Variants in TTC21A observed in about 807,000 individuals in gnomAD.
TTC21A encodes tetratricopeptide repeat protein 21A.
TTC21A carries 128 observed loss-of-function variants against 156.4 expected under a neutral mutation model. That is an observed-to-expected ratio of 0.82 (90% CI 0.71 to 0.95). TTC21A has a LOEUF of 0.95. TTC21A is among the 40% of genes least tolerant of loss of function. The pLI is 0.00. For missense variants in TTC21A, 1,435 were observed against 1,602.3 expected (o/e 0.90, Z 1.78); for synonymous variants, 587 against 617.1 (o/e 0.95, Z 0.72).
At chr3:39,132,909 C>G in intron 19 of TTC21A, 143 bp from the exon 20 acceptor site, 1 of 822,712 alleles carries the variant, frequency 1.2e-6, no homozygotes, top group Non-Finnish European at 1.9e-6. Flanking sequence ...GTGGCTTTGC[C>G]TATTCAGAGT....
intron 8 of TTC21A, among the ~76,000 whole-genome samples, 154 bp downstream of exon 8, chr3:39,120,174 A>G (rs2037645974): frequency 6.6e-6 from 1 of 152,160 alleles, no homozygotes. Context: ...TGCTGTGCCT[A>G]CTTGCCTCTG....
rs373076443 is a variant in TTC21A, at chr3:39,121,600, A to G, written c.1093+411A>G. Among the ~76,000 whole-genome samples the G allele has an allele frequency of 5.9e-5, 9 of 152,212 alleles. 1 individual carries two copies. In the East Asian group the frequency reaches 1.5e-3, roughly 26 times the overall value. The stretch of plus-strand genomic sequence containing the variant: ...CTCCTTCAGGGCTCTGAGCTGAAAA[A>G]CCACCAAAAAGAGTAGCTCTGAGAA... On this transcript the variant is annotated intron_variant, in intron 9 of 28. Transcript: ENST00000683103.
chr3:39,128,915 C>A lies in TTC21A; in HGVS notation c.1879C>A (p.Arg627=). 6.2e-7 allele frequency: 1 copy of A among 1,614,194 alleles called. No individual in the cohort carries two copies. The highest frequency in any genetic ancestry group is 8.5e-7 in the Non-Finnish European group (1 of 1,180,022). ...SILLELVEAL[R]LNGELHEATK... ...CTTATTGGAACTGGTGGAGGCCCTC[C>A]GGCTGAATGGGGAGCTAGTAAGAAA... is the stretch of plus-strand genomic sequence containing the variant. Residue 627 remains arginine, a synonymous_variant, in exon 14 of 29, where the codon CGG becomes AGG. Coordinates refer to ENST00000683103, the MANE Select transcript of TTC21A (RefSeq NM_001366900.1).
At chr3:39,114,469 G>A in intron 5 of TTC21A, 116 bp from the exon 6 acceptor site, 2 of 974,754 alleles carry the variant, frequency 2.1e-6, no homozygotes, top group Admixed American at 3.7e-5. Context: ...GACCCACGGT[G>A]CCCATGTGTC....
At chr3:39,112,117 G>A (rs2036884814) in intron 4 of TTC21A, among the ~76,000 whole-genome samples, 1 of 152,224 alleles carries the variant, frequency 6.6e-6, no homozygotes, top group Admixed American at 6.5e-5. Flanking sequence ...GGCAATGACA[G>A]GATAGGTGAG....
intron 6 of TTC21A, among the ~76,000 whole-genome samples, chr3:39,117,766 C>T (rs1217797082): frequency 1.3e-5 from 2 of 152,082 alleles, no homozygotes. Flanking sequence ...ACATTCCATA[C>T]AGTAGGCAGG....
intron 9 of TTC21A, among the ~76,000 whole-genome samples, chr3:39,124,791 C>T (rs1039561671): frequency 3.3e-5 from 5 of 151,624 alleles, no homozygotes; most frequent in African/African-American, 4.8e-5. Flanking sequence ...ATAGTAGTAA[C>T]GTATTATACC....
At position 39,137,556 on chromosome 3, in the gene TTC21A, G is replaced by T. The variant is rs764381681; in HGVS notation, c.3521G>T (p.Arg1174Leu). The change falls in exon 26 of 29, where the codon CGT (arginine) becomes CTT (leucine). Residue 1174 changes from arginine (R) to leucine (L), a missense_variant. Coordinates refer to ENST00000683103, the MANE Select transcript of TTC21A (RefSeq NM_001366900.1). ...TTCCTGAAGCAGATCCCCAAGGCGC[G>T]TATGCAGTTGAAGCGCCTGGCCAAG... is the stretch of plus-strand genomic sequence containing the variant. ...YVFLKQIPKA[R>L]MQLKRLAKTP... 1.9e-6 allele frequency: 3 copies of T among 1,614,252 alleles called. No homozygotes were observed. In the East Asian group the frequency reaches 6.7e-5, roughly 36 times the overall value.
chr3:39,135,525 C>T (rs75398444), intron 22 of TTC21A, among the ~76,000 whole-genome samples: 4,629 of 152,284 alleles, frequency 0.03, 117 homozygotes, highest in African/African-American at 0.065. Flanking sequence ...TTCACTGCAG[C>T]GTAAAACCAC....
chr3:39,131,562 A>G (rs1215567788), intron 19 of TTC21A: 4 of 155,050 alleles, frequency 2.6e-5, no homozygotes, highest in African/African-American at 9.7e-5. Context: ...CTGTTGGTGT[A>G]TACCAGAATA....
Position 39,126,499 on chromosome 3 carries a change from CA to C in TTC21A, c.1522+110del, listed in dbSNP as rs1195095664. On this transcript the variant is annotated intron_variant, in intron 12 of 28. Transcript: ENST00000683103. ...CTACACACACACACACACACACACA[CA>C]CACACACACACACACACACACTCTC... The C allele has an allele frequency of 1.1e-5, 11 of 976,694 alleles. No homozygotes were observed. The African/African-American group carries it at 1.6e-4, about 15-fold the overall frequency. The allele number at this position is 976,694 out of a possible 1,614,324, so 60.5% of individuals were successfully genotyped here. A position where few individuals can be genotyped will look rare whatever the true frequency, so the allele number is the denominator to read the frequency against.
At chr3:39,113,363 A>C (rs559889648) in intron 5 of TTC21A, among the ~76,000 whole-genome samples, 1 of 152,304 alleles carries the variant, frequency 6.6e-6, no homozygotes, top group African/African-American at 2.4e-5. Context: ...GCACCTGTGG[A>C]AAGAGAAGGC....
chr3:39,116,773 T>A (rs2037327304), intron 6 of TTC21A, among the ~76,000 whole-genome samples: 1 of 152,234 alleles, frequency 6.6e-6, no homozygotes, highest in South Asian at 2.1e-4. Context: ...CTCAGCCTAA[T>A]TTCTGTTCTT....
rs544503764 is a variant in TTC21A at position 39,109,782 on chromosome 3, C to T, written c.158-247C>T. On this transcript the variant is annotated intron_variant, in intron 2 of 28. Transcript: ENST00000683103. ...GACGCAGCTAATAATTGCAGCCTCA[C>T]ACATATCCCCACAAGTACTCACAGG... Among the ~76,000 whole-genome samples the T allele has an allele frequency of 3.3e-5, 5 of 152,338 alleles. No individual in the cohort carries two copies. In the South Asian group the frequency reaches 1.0e-3, roughly 32 times the overall value.
In TTC21A at chr3:39,130,210, G is replaced by A; in HGVS notation, c.2209-38G>A. On this transcript the variant is annotated intron_variant, in intron 16 of 28. Transcript: ENST00000683103. The surrounding 1 kb of genome is among the most constrained non-coding windows in gnomAD (Gnocchi z 4.5). Reference sequence around the variant, plus strand: ...CCCCCCAGTCTCCCTTCTCCAGTGGGAGAGAAGAGGAAGACCCAAAGACAC... The same window carrying A: ...CCCCCCAGTCTCCCTTCTCCAGTGGAAGAGAAGAGGAAGACCCAAAGACAC... The A allele has an allele frequency of 6.2e-7, 1 of 1,611,238 alleles. No individual in the cohort carries two copies.
chr3:39,127,397 C>G, intron 12 of TTC21A, among the ~76,000 whole-genome samples: 1 of 152,184 alleles, frequency 6.6e-6, no homozygotes, highest in Admixed American at 6.5e-5. Context: ...GCCAGGTTTC[C>G]CCACAGCTTC....
chr3:39,108,017 C>A, intron 1 of TTC21A, 153 bp downstream of exon 1: 1 of 893,024 alleles, frequency 1.1e-6, no homozygotes, highest in Non-Finnish European at 1.7e-6. Context: ...CTGGCAAGGG[C>A]GTCTTCTCCG....
intron 7 of TTC21A, chr3:39,118,406 C>G (rs1018288719): frequency 1.1e-5 from 6 of 553,936 alleles, no homozygotes; most frequent in Non-Finnish European, 1.9e-5. Context: ...TCTGTGGAAG[C>G]CTGGGCAGGT....
intron 3 of TTC21A, 138 bp from the exon 4 acceptor site, chr3:39,110,713 G>A (rs1003754956): frequency 1.2e-6 from 1 of 858,368 alleles, no homozygotes. Flanking sequence ...TGCATGCGGT[G>A]TGCTGCATAT....
Sources: allele counts gnomAD v4.1 joint callset (sites outside exome capture counted in the v4.1 genomes callset), GRCh38; gene constraint gnomAD v4.1.1; non-coding constraint Gnocchi (gnomAD v3.1); transcripts MANE v1.5; gene names NCBI Gene and HGNC (gene_info 2026-07-23, HGNC 2026-07-21).